Variants in TRPM3 observed in about 807,000 individuals in gnomAD.
TRPM3 encodes long transient receptor potential channel 3.
Under a neutral mutation model 181.2 loss-of-function variants are expected in TRPM3, and 77 were observed. That is an observed-to-expected ratio of 0.42 (90% CI 0.35 to 0.51). The LOEUF (loss-of-function observed/expected upper bound fraction) is 0.51. Among genes scored for constraint, TRPM3 ranks in the 20% least tolerant of loss-of-function variants. TRPM3 has a pLI of 0.01. For synonymous variants in TRPM3, 745 were observed against 796.4 expected (o/e 0.94, Z 1.09); for missense variants, 1,759 against 2,196.7 (o/e 0.80, Z 3.98).
chr9:70,578,078 C>T (rs2054521773), intron 22 of TRPM3, among the ~76,000 whole-genome samples: 1 of 152,202 alleles, frequency 6.6e-6, no homozygotes, highest in African/African-American at 2.4e-5. Context: ...AGGAGAGAGT[C>T]ACTGGCCCCA....
intron 1 of TRPM3, among the ~76,000 whole-genome samples, chr9:71,240,080 T>C (rs939620924): frequency 6.6e-6 from 1 of 152,202 alleles, no homozygotes; most frequent in Non-Finnish European, 1.5e-5. Context: ...AGAGAACCTA[T>C]GGCATCTAAA....
chr9:71,085,630 T>C (rs1171014338), intron 1 of TRPM3, among the ~76,000 whole-genome samples: 1 of 151,766 alleles, frequency 6.6e-6, no homozygotes, highest in East Asian at 1.9e-4. Flanking sequence ...GAAATGTAAA[T>C]GAAAACCACA....
rs1377924202 is a variant in TRPM3, at chr9:71,396,805, A to C, written c.183+49848T>G. Among the ~76,000 whole-genome samples the C allele has an allele frequency of 2.0e-5, 3 of 151,924 alleles. No individual in the cohort carries two copies. In the East Asian group the frequency reaches 5.8e-4, roughly 29 times the overall value. Reference sequence around the variant, plus strand: ...GGTGAAACCCCATCTCTACTAAAAAAAATACAAAAAATTTGCCAGGCATGG... The same window carrying C: ...GGTGAAACCCCATCTCTACTAAAAACAATACAAAAAATTTGCCAGGCATGG... On this transcript the variant is annotated intron_variant, in intron 1 of 24. Coordinates refer to the TRPM3 transcript ENST00000357533.
rs369944118 is a variant in TRPM3, at chr9:71,389,200, TAAAC to T, written c.183+57449_183+57452del. Among the ~76,000 whole-genome samples, 8 of 151,492 alleles carry T rather than the reference TAAAC, an allele frequency of 5.3e-5. No homozygotes were observed. The East Asian group carries it at 7.8e-4, about 15-fold the overall frequency. On this transcript the variant is annotated intron_variant, in intron 1 of 24. Transcript: ENST00000357533. ...TGAATAGACAATTCTCAAAAGAAGA[TAAAC>T]AAATGGCAAACAAACATGAAAAAAT...
chr9:71,303,751 T>C (rs1003275113), intron 1 of TRPM3, among the ~76,000 whole-genome samples: 1 of 152,118 alleles, frequency 6.6e-6, no homozygotes, highest in African/African-American at 2.4e-5. Flanking sequence ...AAAACTATTA[T>C]CAAGACCTCA....
At chr9:70,597,646 G>A (rs1424998702) in intron 21 of TRPM3, among the ~76,000 whole-genome samples, 1 of 152,146 alleles carries the variant, frequency 6.6e-6, no homozygotes, top group African/African-American at 2.4e-5. Context: ...TGTGGTCAAG[G>A]ACTATTGGAA....
At chr9:71,153,456 A>G (rs1241511591) in intron 1 of TRPM3, among the ~76,000 whole-genome samples, 1 of 151,770 alleles carries the variant, frequency 6.6e-6, no homozygotes, top group Non-Finnish European at 1.5e-5. Flanking sequence ...ACACCCAGCT[A>G]ATTTTTGTAT....
chr9:70,880,154 A>G (rs1404525223), intron 1 of TRPM3, among the ~76,000 whole-genome samples: 3 of 152,130 alleles, frequency 2.0e-5, no homozygotes, highest in Non-Finnish European at 4.4e-5. Flanking sequence ...TGATCTATGG[A>G]AAAAAATCTT....
chr9:71,231,152 A>C (rs2081025394), intron 1 of TRPM3, among the ~76,000 whole-genome samples: 1 of 152,200 alleles, frequency 6.6e-6, no homozygotes, highest in African/African-American at 2.4e-5. Context: ...CCCACAGCCC[A>C]TTTATTAATT....
At chr9:71,238,388 C>T (rs986115896) in intron 1 of TRPM3, among the ~76,000 whole-genome samples, 70 of 152,232 alleles carry the variant, frequency 4.6e-4, no homozygotes, top group African/African-American at 1.5e-3. Context: ...AATTCACCCA[C>T]AGGGAAAGAA....
chr9:70,990,595 AT>A (rs1157467786), intron 1 of TRPM3, among the ~76,000 whole-genome samples: 2 of 151,994 alleles, frequency 1.3e-5, no homozygotes, highest in Non-Finnish European at 2.9e-5. Flanking sequence ...GGAAGGCAAA[AT>A]TCACTTCTCT....
At chr9:71,222,814 C>A (rs926555311) in intron 1 of TRPM3, among the ~76,000 whole-genome samples, 1 of 152,092 alleles carries the variant, frequency 6.6e-6, no homozygotes, top group African/African-American at 2.4e-5. Flanking sequence ...CAACACCAGG[C>A]AGGACTCAGC....
chr9:71,361,446 C>T (rs949607896), intron 1 of TRPM3, among the ~76,000 whole-genome samples: 2 of 152,190 alleles, frequency 1.3e-5, no homozygotes, highest in African/African-American at 4.8e-5. Flanking sequence ...TGTATCCACA[C>T]ACACAAGTAT....
intron 25 of TRPM3, among the ~76,000 whole-genome samples, chr9:70,539,860 G>T (rs1376272393): frequency 6.6e-6 from 1 of 152,122 alleles, no homozygotes; most frequent in African/African-American, 2.4e-5. Context: ...TTTGAGACAA[G>T]ATTTCACTCT....
chr9:71,401,317 G>C (rs1207542179), intron 1 of TRPM3, among the ~76,000 whole-genome samples: 1 of 152,008 alleles, frequency 6.6e-6, no homozygotes, highest in Non-Finnish European at 1.5e-5. Context: ...GGGAAGGTTA[G>C]ATCAGAGTAG....
At chr9:70,944,505 C>T (rs1387209644) in intron 1 of TRPM3, among the ~76,000 whole-genome samples, 2 of 152,044 alleles carry the variant, frequency 1.3e-5, no homozygotes, top group African/African-American at 2.4e-5. Context: ...TGTCCTTTAA[C>T]GAATGAGGTT....
At chr9:70,598,084 G>A (rs1340933656) in intron 21 of TRPM3, among the ~76,000 whole-genome samples, 2 of 152,106 alleles carry the variant, frequency 1.3e-5, no homozygotes, top group African/African-American at 2.4e-5. Flanking sequence ...TTCACATGGT[G>A]TGGTAATTCC....
chr9:71,104,789 G>A (rs979813538), intron 1 of TRPM3, among the ~76,000 whole-genome samples: 4 of 151,946 alleles, frequency 2.6e-5, no homozygotes, highest in African/African-American at 9.7e-5. Flanking sequence ...ATCACAATGA[G>A]AAAAAGCTAT....
intron 1 of TRPM3, among the ~76,000 whole-genome samples, chr9:71,284,743 T>C (rs2085140219): frequency 1.3e-5 from 2 of 152,184 alleles, no homozygotes; most frequent in South Asian, 4.1e-4. Context: ...CATAACTCAA[T>C]TAAGATTTTA....
Sources: allele counts gnomAD v4.1 joint callset (sites outside exome capture counted in the v4.1 genomes callset), GRCh38; gene constraint gnomAD v4.1.1; transcripts MANE v1.5; gene names NCBI Gene and HGNC (gene_info 2026-07-23, HGNC 2026-07-21).